The following WWOX variants were observed in gnomAD, a reference collection of about 807,000 sequenced individuals.
WWOX encodes the protein WW domain-containing oxidoreductase.
In WWOX, 69 loss-of-function variants were observed where a neutral mutation model predicts 46.2. That is an observed-to-expected ratio of 1.49 (90% CI 1.23 to 1.82). The LOEUF (loss-of-function observed/expected upper bound fraction) is 1.82, where lower values mean the gene tolerates loss of function less well. WWOX is among the 40% of genes most tolerant of loss of function. The probability of loss-of-function intolerance (pLI) is 0.00; values close to 1 mark genes in which losing one functional copy is unlikely to be tolerated. For synonymous variants in WWOX, 359 were observed against 202.6 expected (o/e 1.77, Z -6.56); for missense variants, 919 against 542.6 (o/e 1.69, Z -6.89).
intron 8 of WWOX, among the ~76,000 whole-genome samples, chr16:78,632,557 A>ATTTTTTTTTT (rs545062752): frequency 0.079 from 5,882 of 74,482 alleles, 926 homozygotes; most frequent in African/African-American, 0.13. Flanking sequence ...TACTTGGCCA[A>ATTTTTTTTTT]TTTTTTTTTT....
At position 78,810,758 on chromosome 16, in the gene WWOX, C is replaced by G. The variant is rs183339483; in HGVS notation, c.1056+378006C>G. Among the ~76,000 whole-genome samples the G allele has an allele frequency of 7.9e-5, 12 of 152,236 alleles. No individual in the cohort carries two copies. In the East Asian group the frequency reaches 2.1e-3, roughly 27 times the overall value. ...TTTGCTCCCTTCTGTAGGAATAACT[C>G]TATGAAGACTTTCTTTTTGGAGACA... is the stretch of plus-strand genomic sequence containing the variant. On this transcript the variant is annotated intron_variant, in intron 8 of 8. Coordinates refer to ENST00000566780, the MANE Select transcript of WWOX (RefSeq NM_016373.4).
intron 8 of WWOX, among the ~76,000 whole-genome samples, chr16:78,590,375 T>C (rs1386199617): frequency 2.0e-5 from 3 of 152,112 alleles, no homozygotes; most frequent in African/African-American, 7.2e-5. Flanking sequence ...TGTTATAGTA[T>C]TAAGGAAGAC....
intron 5 of WWOX, among the ~76,000 whole-genome samples, chr16:78,364,932 C>G (rs1013045036): frequency 6.6e-6 from 1 of 151,256 alleles, no homozygotes; most frequent in Non-Finnish European, 1.5e-5. Flanking sequence ...TCATTCTTTA[C>G]AAAGATGTTC....
chr16:79,017,869 G>A (rs867417887), intron 8 of WWOX, among the ~76,000 whole-genome samples: 3 of 152,172 alleles, frequency 2.0e-5, no homozygotes, highest in Non-Finnish European at 4.4e-5. Flanking sequence ...TTGTCCTGTG[G>A]ACTGTAGTTT....
chr16:78,906,507 G>C (rs16948804), intron 8 of WWOX, among the ~76,000 whole-genome samples: 58,554 of 151,916 alleles, frequency 0.39, 11,856 homozygotes, highest in African/African-American at 0.51. Context: ...CACTTGTGCT[G>C]TGCAAAATCA....
chr16:78,377,084 G>A (rs1035325788), intron 5 of WWOX, among the ~76,000 whole-genome samples: 5 of 152,214 alleles, frequency 3.3e-5, no homozygotes, highest in African/African-American at 7.2e-5. Context: ...TGACTTCCCC[G>A]AAGTGGGAAG....
intron 8 of WWOX, among the ~76,000 whole-genome samples, chr16:78,702,045 A>ATATATATAT (rs1491253055): frequency 2.5e-5 from 3 of 121,972 alleles, no homozygotes; most frequent in African/African-American, 3.5e-5. Flanking sequence ...ATATATATAT[A>ATATATATAT]AAATAATGCA....
Position 78,372,387 on chromosome 16 carries a change from A to G in WWOX, c.517-14473A>G, listed in dbSNP as rs958634814. Among the ~76,000 whole-genome samples, 9 of 152,308 alleles carry G rather than the reference A, an allele frequency of 5.9e-5. No homozygotes were observed. The South Asian group carries it at 6.2e-4, about 11-fold the overall frequency. On this transcript the variant is annotated intron_variant, in intron 5 of 8. Transcript: ENST00000566780. ...ACCCCCCTGCTGCTCTATATAATAGAAGGTGGAGTAGAGACAGAATATCAG... is the reference window on the plus strand; with the variant it reads ...ACCCCCCTGCTGCTCTATATAATAGGAGGTGGAGTAGAGACAGAATATCAG...
chr16:78,134,331 T>A (rs999680127), intron 4 of WWOX, among the ~76,000 whole-genome samples: 10 of 139,262 alleles, frequency 7.2e-5, no homozygotes, highest in African/African-American at 2.4e-4. Context: ...TAGTACAGAC[T>A]TTGCAAAGAC....
Position 79,212,056 on chromosome 16 carries a change from C to G in WWOX, c.*260C>G, listed in dbSNP as rs554094624. The G allele has an allele frequency of 9.1e-6, 14 of 1,536,364 alleles. No homozygotes were observed. In the South Asian group the frequency reaches 1.4e-4, roughly 16 times the overall value. On this transcript the variant is annotated 3_prime_UTR_variant, in exon 9 of 9. Coordinates refer to ENST00000566780, the MANE Select transcript of WWOX (RefSeq NM_016373.4). ...TGGTGGCCTGTTTGAAAGTAAAAAC[C>G]TGCTTGGTGTGTAGGTTCCGTATCT...
In WWOX at chr16:78,634,066, A is replaced by C. The variant is rs535066436; in HGVS notation, c.1056+201314A>C. The stretch of plus-strand genomic sequence containing the variant: ...GGACCCTGTTTTTCATACAGTGAGC[A>C]CTCTTGAACCCAGAGAAGGTGCAGG... On this transcript the variant is annotated intron_variant, in intron 8 of 8. Coordinates refer to ENST00000566780, the MANE Select transcript of WWOX (RefSeq NM_016373.4). 1.1e-4 allele frequency among the ~76,000 whole-genome samples: 16 copies of C among 152,010 alleles called. No homozygotes were observed. The East Asian group carries it at 2.9e-3, about 28-fold the overall frequency.
At chr16:78,868,985 A>C (rs1290381404) in intron 8 of WWOX, among the ~76,000 whole-genome samples, 1 of 152,162 alleles carries the variant, frequency 6.6e-6, no homozygotes, top group East Asian at 1.9e-4. Context: ...ACACACATGC[A>C]TGCGATCTGT....
intron 8 of WWOX, among the ~76,000 whole-genome samples, chr16:78,689,871 T>C (rs894689717): frequency 3.9e-5 from 6 of 152,056 alleles, no homozygotes; most frequent in Non-Finnish European, 7.4e-5. Context: ...TTTTTGTGTG[T>C]TTTTTTGGAG....
chr16:79,055,884 G>C (rs936260749), intron 8 of WWOX, among the ~76,000 whole-genome samples: 5 of 152,090 alleles, frequency 3.3e-5, no homozygotes, highest in African/African-American at 1.2e-4. Context: ...TCTCTTTATG[G>C]ATTTCCCTTT....
chr16:78,913,828 C>G (rs59915038), intron 8 of WWOX, among the ~76,000 whole-genome samples: 8,294 of 151,816 alleles, frequency 0.055, 467 homozygotes, highest in African/African-American at 0.14. Flanking sequence ...GCCCAGCTAA[C>G]TTTTGTATTT....
intron 8 of WWOX, among the ~76,000 whole-genome samples, chr16:79,104,860 G>A (rs2049276192): frequency 1.3e-5 from 2 of 152,134 alleles, no homozygotes; most frequent in Admixed American, 1.3e-4. Flanking sequence ...GACCAAAGGT[G>A]TCCAAACCTC....
chr16:78,711,224 A>T (rs1285147350), intron 8 of WWOX, among the ~76,000 whole-genome samples: 1 of 152,206 alleles, frequency 6.6e-6, no homozygotes, highest in African/African-American at 2.4e-5. Context: ...AGTGTGCATC[A>T]TGGAAATTGT....
chr16:78,632,557 ATTTTTT>A (rs545062752), intron 8 of WWOX, among the ~76,000 whole-genome samples: 2 of 74,748 alleles, frequency 2.7e-5, no homozygotes, highest in Admixed American at 1.9e-4. Context: ...TACTTGGCCA[ATTTTTT>A]TTTTTTTTTT....
chr16:78,752,032 C>T (rs747451557), intron 8 of WWOX, among the ~76,000 whole-genome samples: 18 of 152,094 alleles, frequency 1.2e-4, no homozygotes, highest in African/African-American at 1.7e-4. Context: ...AGGAGAGAGA[C>T]GACACAAAAT....
Sources: gnomAD v4.1 joint callset for allele counts (sites outside exome capture counted in the v4.1 genomes callset) on GRCh38, gnomAD v4.1.1 for gene constraint, MANE v1.5 for transcripts, NCBI Gene and HGNC (gene_info 2026-07-23, HGNC 2026-07-21) for gene names.